The following NELL2 variants were observed in gnomAD, a reference collection of about 807,000 sequenced individuals.
NELL2 encodes protein kinase C-binding protein NELL2.
In NELL2, 41 loss-of-function variants were observed where a neutral mutation model predicts 109.6. The observed-to-expected ratio is 0.37, with a 90% CI of 0.29 to 0.49. The LOEUF is 0.49. Ranked by LOEUF, NELL2 falls within the 20% of genes least tolerant of loss-of-function variation. The pLI, the probability that NELL2 is intolerant of heterozygous loss-of-function variation, is 0.98. For synonymous variants in NELL2, 355 were observed against 344.7 expected (o/e 1.03, Z -0.33); for missense variants, 900 against 1,008.3 (o/e 0.89, Z 1.45).
At chr12:44,887,686 T>C (rs970402222) in intron 1 of NELL2, among the ~76,000 whole-genome samples, 1 of 151,642 alleles carries the variant, frequency 6.6e-6, no homozygotes, top group Non-Finnish European at 1.5e-5. Context: ...TTTGTTGTTG[T>C]TGTTTTGCTA....
At chr12:44,583,692 G>T (rs1033696967) in intron 15 of NELL2, among the ~76,000 whole-genome samples, 1 of 152,214 alleles carries the variant, frequency 6.6e-6, no homozygotes, top group Non-Finnish European at 1.5e-5. Flanking sequence ...TGAACACTAA[G>T]TGTTTTAGAA....
At position 44,588,970 on chromosome 12, in the gene NELL2, C is replaced by A. The variant is rs115542943; in HGVS notation, c.1663+18199G>T. Among the ~76,000 whole-genome samples, 934 of 152,272 alleles carry A rather than the reference C, an allele frequency of 6.1e-3. 9 individuals are homozygous for A. The highest frequency in any genetic ancestry group is 0.021 in the African/African-American group (874 of 41,556). On this transcript the variant is annotated intron_variant, in intron 15 of 19. Transcript: ENST00000429094. ...ACATGTATTTAGCACTTAGTATGTGCCAGGCACTGGCTACTAAGTGTTTTG... is the reference window on the plus strand; with the variant it reads ...ACATGTATTTAGCACTTAGTATGTGACAGGCACTGGCTACTAAGTGTTTTG...
Position 44,875,876 on chromosome 12 carries a change from G to A in NELL2, c.-7C>T. On this transcript the variant is annotated 5_prime_UTR_variant, in exon 1 of 20. Coordinates refer to ENST00000429094, the MANE Select transcript of NELL2 (RefSeq NM_001145108.2). Reference sequence around the variant, plus strand: ...GTAAGACCCGAGACTCCATGGTGCGGATCAGCTCAGTCCATCGTCTCCCTC... The same window carrying A: ...GTAAGACCCGAGACTCCATGGTGCGAATCAGCTCAGTCCATCGTCTCCCTC... 2.5e-6 allele frequency: 4 copies of A among 1,613,972 alleles called. No individual in the cohort carries two copies. The highest frequency in any genetic ancestry group is 3.4e-6 in the Non-Finnish European group (4 of 1,180,022).
chr12:44,608,438 T>TA (rs1945487402), intron 14 of NELL2, among the ~76,000 whole-genome samples: 1 of 152,056 alleles, frequency 6.6e-6, no homozygotes, highest in Non-Finnish European at 1.5e-5. Flanking sequence ...AGCCTGTTGA[T>TA]ACCGCACAGA....
intron 2 of NELL2, among the ~76,000 whole-genome samples, chr12:44,868,687 T>C (rs1945079138): frequency 6.6e-6 from 1 of 152,044 alleles, no homozygotes; most frequent in Admixed American, 6.5e-5. Flanking sequence ...CCTTAAAAAG[T>C]TGAACTTATA....
chr12:44,531,704 C>T (rs1458473383), intron 16 of NELL2, among the ~76,000 whole-genome samples: 1 of 152,204 alleles, frequency 6.6e-6, no homozygotes. Context: ...TGTCAAGTAT[C>T]TTTAGGTTAG....
At position 44,614,943 on chromosome 12, in the gene NELL2, C is replaced by T. The variant is rs545511258; in HGVS notation, c.1445-3973G>A. ...GTGAAAAGTCACCATTTAAGTGCAT[C>T]TACATTTAAATTCAATTTAGTACAT... On this transcript the variant is annotated intron_variant, in intron 13 of 19. Transcript: ENST00000429094. Among the ~76,000 whole-genome samples the T allele has an allele frequency of 3.9e-4, 59 of 152,034 alleles. 1 individual carries two copies. The highest frequency in any genetic ancestry group is 1.3e-3 in the African/African-American group (52 of 41,466).
intron 2 of NELL2, among the ~76,000 whole-genome samples, chr12:44,868,831 T>G (rs1436500961): frequency 1.3e-5 from 2 of 152,168 alleles, no homozygotes; most frequent in Non-Finnish European, 2.9e-5. Flanking sequence ...ACATAATGAC[T>G]ATAGTAATAA....
chr12:44,596,326 G>C (rs1334888622), intron 15 of NELL2, among the ~76,000 whole-genome samples: 1 of 152,158 alleles, frequency 6.6e-6, no homozygotes, highest in Non-Finnish European at 1.5e-5. Flanking sequence ...CCAAATATCA[G>C]AACAGAAAGA....
At chr12:44,805,302 A>T (rs1010663026) in intron 3 of NELL2, among the ~76,000 whole-genome samples, 1 of 151,950 alleles carries the variant, frequency 6.6e-6, no homozygotes, top group Non-Finnish European at 1.5e-5. Context: ...AAAATTTCTT[A>T]ACAGGAAGAA....
intron 1 of NELL2, among the ~76,000 whole-genome samples, chr12:44,893,339 C>A (rs925482081): frequency 2.0e-5 from 3 of 152,116 alleles, no homozygotes; most frequent in Non-Finnish European, 4.4e-5. Context: ...GTTAATACAT[C>A]AAGTCATTTT....
chr12:44,760,856 T>C (rs570734121), intron 9 of NELL2, among the ~76,000 whole-genome samples: 8 of 152,214 alleles, frequency 5.3e-5, no homozygotes, highest in Admixed American at 5.2e-4. Flanking sequence ...ATGACAACAC[T>C]GAAGGCAGAA....
intron 9 of NELL2, among the ~76,000 whole-genome samples, chr12:44,767,362 C>T (rs887034897): frequency 2.6e-5 from 4 of 152,044 alleles, no homozygotes; most frequent in African/African-American, 7.2e-5. Flanking sequence ...TACTGAAACC[C>T]GGAGAGACGT....
At chr12:44,530,957 A>T (rs1942025503) in intron 16 of NELL2, among the ~76,000 whole-genome samples, 2 of 152,192 alleles carry the variant, frequency 1.3e-5, no homozygotes, top group Admixed American at 1.3e-4. Flanking sequence ...TTTTGAGAGT[A>T]ATTTGTTAGG....
rs140009019 is a variant in NELL2, at chr12:44,605,192, A to G, written c.1663+1977T>C. 3.4e-3 allele frequency among the ~76,000 whole-genome samples: 518 copies of G among 152,278 alleles called. 12 individuals carry two copies. In the East Asian group the frequency reaches 0.079, roughly 23 times the overall value. The stretch of plus-strand genomic sequence containing the variant: ...TGGATAAAAGCCTGGATTTGGGAGC[A>G]GAATGACCTTTGTATCAGCTTCTAA... On this transcript the variant is annotated intron_variant, in intron 15 of 19. Transcript: ENST00000429094.
intron 13 of NELL2, among the ~76,000 whole-genome samples, chr12:44,650,531 GTGATC>G (rs1225386251): frequency 3.3e-5 from 5 of 152,084 alleles, no homozygotes; most frequent in Non-Finnish European, 7.3e-5. Flanking sequence ...CTGACCTCAA[GTGATC>G]TGCCTGCCTC....
intron 15 of NELL2, among the ~76,000 whole-genome samples, chr12:44,546,765 T>C (rs1429135751): frequency 6.6e-6 from 1 of 152,200 alleles, no homozygotes; most frequent in Non-Finnish European, 1.5e-5. Context: ...CCCCAAATGA[T>C]AGATCAAAGG....
At chr12:44,805,021 T>C (rs1942953266) in intron 3 of NELL2, among the ~76,000 whole-genome samples, 2 of 151,678 alleles carry the variant, frequency 1.3e-5, no homozygotes, top group Non-Finnish European at 1.5e-5. Context: ...AAATAACCCA[T>C]CACAGTAGCA....
intron 12 of NELL2, among the ~76,000 whole-genome samples, chr12:44,687,528 A>T (rs770572102): frequency 1.2e-4 from 18 of 152,008 alleles, no homozygotes; most frequent in Non-Finnish European, 2.5e-4. Context: ...TTTTTTTCAG[A>T]TGTCTTTGGT....
Sources: allele counts gnomAD v4.1 joint callset (sites outside exome capture counted in the v4.1 genomes callset), GRCh38; gene constraint gnomAD v4.1.1; transcripts MANE v1.5; gene names NCBI Gene and HGNC (gene_info 2026-07-23, HGNC 2026-07-21).